CNTN5: variants seen among roughly 807,000 people sequenced by gnomAD.
The protein encoded by CNTN5 is contactin 5, also known as contactin-5.
Under a neutral mutation model 129.1 loss-of-function variants are expected in CNTN5, and 77 were observed. The ratio of observed to expected loss-of-function variants is 0.60; its 90% confidence interval spans 0.50 to 0.72. The LOEUF (loss-of-function observed/expected upper bound fraction) is 0.72. Among genes scored for constraint, CNTN5 ranks in the 30% least tolerant of loss-of-function variants. The probability of loss-of-function intolerance (pLI) is 0.00; values close to 1 mark genes in which losing one functional copy is unlikely to be tolerated. For synonymous variants in CNTN5, 509 were observed against 465.6 expected (o/e 1.09, Z -1.20); for missense variants, 1,478 against 1,328.8 (o/e 1.11, Z -1.75).
intron 6 of CNTN5, among the ~76,000 whole-genome samples, chr11:99,859,505 C>G (rs1228351673): frequency 6.6e-6 from 1 of 152,148 alleles, no homozygotes; most frequent in East Asian, 1.9e-4. Flanking sequence ...AGCCTTCCCC[C>G]CAACCCCACT....
intron 2 of CNTN5, among the ~76,000 whole-genome samples, chr11:99,456,868 A>G (rs984665050): frequency 6.6e-6 from 1 of 152,082 alleles, no homozygotes; most frequent in Admixed American, 6.6e-5. Flanking sequence ...CTCAAAGAAT[A>G]TGACTAGATA....
chr11:99,491,184 G>T (rs1946021631), intron 2 of CNTN5, among the ~76,000 whole-genome samples: 1 of 152,134 alleles, frequency 6.6e-6, no homozygotes, highest in African/African-American at 2.4e-5. Context: ...TCATTCCCAT[G>T]TATTTGTTAG....
chr11:99,028,760 TTA>T (rs1417624643), intron 1 of CNTN5, among the ~76,000 whole-genome samples: 1 of 151,928 alleles, frequency 6.6e-6, no homozygotes, highest in African/African-American at 2.4e-5. Flanking sequence ...TTTCTATATG[TTA>T]TAAATAAGAC....
chr11:100,348,711 A>C (rs573707226), intron 23 of CNTN5, among the ~76,000 whole-genome samples: 1 of 152,156 alleles, frequency 6.6e-6, no homozygotes, highest in Admixed American at 6.6e-5. Flanking sequence ...CGAAATCAAA[A>C]GCATACAGAT....
chr11:99,423,781 C>T (rs113344100), intron 2 of CNTN5, among the ~76,000 whole-genome samples: 167 of 151,822 alleles, frequency 1.1e-3, no homozygotes, highest in African/African-American at 3.7e-3. Flanking sequence ...GTCCACAGTA[C>T]AGGCTTTGAG....
At chr11:99,837,345 T>G (rs1947339300) in intron 4 of CNTN5, among the ~76,000 whole-genome samples, 2 of 152,192 alleles carry the variant, frequency 1.3e-5, no homozygotes, top group South Asian at 4.1e-4. Flanking sequence ...ACATGTTTCT[T>G]TTGTATTCAC....
intron 13 of CNTN5, among the ~76,000 whole-genome samples, chr11:100,089,611 C>T (rs922619060): frequency 2.6e-5 from 4 of 152,076 alleles, no homozygotes; most frequent in African/African-American, 9.7e-5. Flanking sequence ...TTCCTTGCAA[C>T]ACTATTCACA....
rs200021719 is a variant in CNTN5 at position 99,350,726 on chromosome 11, A to G, written c.-71+25242A>G. ...AAAAGAGTACATACAGTGTGATTCT[A>G]TGTCTATTTAGTTCTTGAACAGAAA... On this transcript the variant is annotated intron_variant, in intron 2 of 24. Transcript: ENST00000524871. 9.9e-5 allele frequency among the ~76,000 whole-genome samples: 15 copies of G among 152,208 alleles called. No individual in the cohort carries two copies. The East Asian group carries it at 2.7e-3, about 28-fold the overall frequency.
intron 4 of CNTN5, among the ~76,000 whole-genome samples, chr11:99,840,552 C>T (rs1947453728): frequency 6.6e-6 from 1 of 151,714 alleles, no homozygotes; most frequent in Non-Finnish European, 1.5e-5. Context: ...ATGACCCTGG[C>T]ATTTCACAGA....
intron 1 of CNTN5, among the ~76,000 whole-genome samples, chr11:99,307,466 C>T (rs532302534): frequency 6.6e-6 from 1 of 152,232 alleles, no homozygotes; most frequent in Admixed American, 6.5e-5. Flanking sequence ...CATATTTTCT[C>T]CTGAAAACAT....
At chr11:99,988,222 C>T (rs1297499233) in intron 8 of CNTN5, among the ~76,000 whole-genome samples, 2 of 152,228 alleles carry the variant, frequency 1.3e-5, no homozygotes, top group East Asian at 1.9e-4. Context: ...GCATTCTCCA[C>T]AAGAAGACTA....
intron 4 of CNTN5, among the ~76,000 whole-genome samples, chr11:99,840,413 G>A (rs1947447945): frequency 6.6e-6 from 1 of 151,944 alleles, no homozygotes; most frequent in Non-Finnish European, 1.5e-5. Flanking sequence ...TGTAAAATAT[G>A]CTTATCAAAC....
chr11:99,363,659 G>A (rs1324087030), intron 2 of CNTN5, among the ~76,000 whole-genome samples: 1 of 152,002 alleles, frequency 6.6e-6, no homozygotes, highest in Non-Finnish European at 1.5e-5. Context: ...CCTACTAATT[G>A]TACCAAAGTT....
At chr11:99,595,250 T>C (rs1219242855) in intron 3 of CNTN5, among the ~76,000 whole-genome samples, 3 of 152,240 alleles carry the variant, frequency 2.0e-5, no homozygotes, top group Non-Finnish European at 4.4e-5. Flanking sequence ...TTAAAGTGAT[T>C]GATATGGTAA....
intron 13 of CNTN5, among the ~76,000 whole-genome samples, chr11:100,176,773 C>A (rs1947979631): frequency 6.6e-6 from 1 of 151,766 alleles, no homozygotes; most frequent in Non-Finnish European, 1.5e-5. Flanking sequence ...AACATACTTG[C>A]TTTTAATTCT....
rs1400327475 is a variant in CNTN5 at position 99,803,389 on chromosome 11, T to C, written c.56-16155T>C. On this transcript the variant is annotated intron_variant, in intron 3 of 24. Transcript: ENST00000524871. ...AGGGACAGCATAATTCCAGTGCCTT[T>C]TCATAATTCTGACTGGAGGTCCTTA... is the stretch of plus-strand genomic sequence containing the variant. Among the ~76,000 whole-genome samples, 3 of 152,194 alleles carry C rather than the reference T, an allele frequency of 2.0e-5. No individual in the cohort carries two copies. The East Asian group carries it at 5.8e-4, about 29-fold the overall frequency.
In CNTN5 at chr11:99,714,165, A is replaced by G. The variant is rs191859394; in HGVS notation, c.56-105379A>G. 2.8e-4 allele frequency among the ~76,000 whole-genome samples: 42 copies of G among 152,064 alleles called. No homozygotes were observed. In the East Asian group the frequency reaches 5.8e-3, roughly 21 times the overall value. On this transcript the variant is annotated intron_variant, in intron 3 of 24. Transcript: ENST00000524871. ...TAATATTATCAAGTAAATATATTTT[A>G]ATATGGCTACACAGAAATGATTTCA...
chr11:99,497,908 T>C (rs546326172), intron 2 of CNTN5, among the ~76,000 whole-genome samples: 2 of 152,292 alleles, frequency 1.3e-5, no homozygotes, highest in East Asian at 3.9e-4. Flanking sequence ...AGGTGAGACT[T>C]GTTTAGGGTA....
chr11:99,356,118 G>A (rs143849432), intron 2 of CNTN5, among the ~76,000 whole-genome samples: 524 of 152,008 alleles, frequency 3.4e-3, no homozygotes, highest in African/African-American at 0.012. Context: ...GAGCCACCGC[G>A]CCCGGCCTCT....
Sources: gnomAD v4.1 joint callset for allele counts (sites outside exome capture counted in the v4.1 genomes callset) on GRCh38, gnomAD v4.1.1 for gene constraint, MANE v1.5 for transcripts, NCBI Gene and HGNC (gene_info 2026-07-23, HGNC 2026-07-21) for gene names.